The following CDH10 variants were observed in gnomAD, a reference collection of about 807,000 sequenced individuals.
The protein encoded by CDH10 is cadherin-10.
CDH10 carries 30 observed loss-of-function variants against 73.1 expected under a neutral mutation model. That is an observed-to-expected ratio of 0.41 (90% confidence interval 0.31 to 0.56). CDH10 has a LOEUF of 0.56. Ranked by LOEUF, CDH10 falls within the 20% of genes least tolerant of loss-of-function variation. CDH10 has a pLI of 0.27. For missense variants in CDH10, 815 were observed against 973.7 expected, an observed-to-expected ratio of 0.84 and a Z score of 2.17; for synonymous variants, 345 against 348.2, an observed-to-expected ratio of 0.99 and a Z score of 0.10.
chr5:24,556,714 TA>T (rs144084888), intron 2 of CDH10, among the ~76,000 whole-genome samples: 1,769 of 151,736 alleles, frequency 0.012, 34 homozygotes, highest in African/African-American at 0.038. Context: ...ACTAGAGAAT[TA>T]TAAGAAACAG....
chr5:24,535,536 A>T (rs759946932), intron 4 of CDH10, among the ~76,000 whole-genome samples, 167 bp downstream of exon 4: 15 of 152,050 alleles, frequency 9.9e-5, no homozygotes, highest in Admixed American at 3.3e-4. Context: ...GGTTTCCATT[A>T]GTTCACTCTA....
intron 1 of CDH10, among the ~76,000 whole-genome samples, chr5:24,629,010 A>T (rs1027730837): frequency 6.6e-6 from 1 of 152,162 alleles, no homozygotes; most frequent in South Asian, 2.1e-4. Context: ...GCATTATTTT[A>T]TTTCTCAAAG....
intron 5 of CDH10, among the ~76,000 whole-genome samples, chr5:24,533,524 A>G (rs959204850): frequency 6.6e-6 from 1 of 152,060 alleles, no homozygotes; most frequent in Non-Finnish European, 1.5e-5. Context: ...AATGTAAAAT[A>G]TAATACTACT....
chr5:24,593,312 T>C lies in CDH10; in HGVS notation c.179A>G (p.Gln60Arg). The change falls in exon 2 of 12, where the codon CAA (glutamine) becomes CGA (arginine). Residue 60 changes from glutamine (Q) to arginine (R), a missense_variant. By Grantham distance (43) the Gln-to-Arg change is conservative. Transcript: ENST00000264463. Reference sequence around the variant, plus strand: ...TGTATATTCTTCAAGTAAGAAAAATTGATTCCACATCCAACCACGTTTTTG... The same window carrying C: ...TGTATATTCTTCAAGTAAGAAAAATCGATTCCACATCCAACCACGTTTTTG... ...HRQKRGWMWNQFFLLEEYTGS... is the reference protein window; with the variant it reads ...HRQKRGWMWNRFFLLEEYTGS... The C allele has an allele frequency of 4.3e-6, 7 of 1,612,950 alleles. No homozygotes were observed. Among genetic ancestry groups the C allele is most frequent in the Non-Finnish European group, 5.9e-6 (7 of 1,179,082 alleles).
chr5:24,561,970 AG>A (rs1489368935), intron 2 of CDH10, among the ~76,000 whole-genome samples: 1 of 151,042 alleles, frequency 6.6e-6, no homozygotes, highest in Non-Finnish European at 1.5e-5. Context: ...TCAAGAATTT[AG>A]TCAAATTTGA....
chr5:24,546,986 T>C (rs1744367131), intron 2 of CDH10, among the ~76,000 whole-genome samples: 1 of 152,184 alleles, frequency 6.6e-6, no homozygotes, highest in Admixed American at 6.6e-5. Context: ...ACAATTACTC[T>C]ATGTTAAAAG....
chr5:24,550,011 G>A (rs556452688), intron 2 of CDH10, among the ~76,000 whole-genome samples: 1 of 152,126 alleles, frequency 6.6e-6, no homozygotes, highest in East Asian at 1.9e-4. Context: ...ATATTAAACT[G>A]GTATTTTCAG....
intron 2 of CDH10, among the ~76,000 whole-genome samples, chr5:24,566,046 T>TTTTTG (rs894648488): frequency 1.3e-5 from 2 of 152,062 alleles, no homozygotes; most frequent in Non-Finnish European, 2.9e-5. Context: ...ACATCATAGT[T>TTTTTG]TTTTGTTTTG....
At chr5:24,556,175 C>A (rs1744762377) in intron 2 of CDH10, among the ~76,000 whole-genome samples, 1 of 152,124 alleles carries the variant, frequency 6.6e-6, no homozygotes, top group Admixed American at 6.6e-5. Context: ...TATGTCTGCT[C>A]TCGTAGTTAG....
chr5:24,610,258 A>G (rs1746899357), intron 1 of CDH10, among the ~76,000 whole-genome samples: 1 of 152,214 alleles, frequency 6.6e-6, no homozygotes, highest in Non-Finnish European at 1.5e-5. Context: ...AATGACATAA[A>G]CGGGAAAATG....
Position 24,575,210 on chromosome 5 carries a change from A to G in CDH10, c.231+18050T>C, listed in dbSNP as rs1057207198. 2.6e-5 allele frequency among the ~76,000 whole-genome samples: 4 copies of G among 151,904 alleles called. No homozygotes were observed. The South Asian group carries it at 8.3e-4, about 32-fold the overall frequency. On this transcript the variant is annotated intron_variant, in intron 2 of 11. Coordinates refer to ENST00000264463, the MANE Select transcript of CDH10 (RefSeq NM_006727.5). Reference sequence around the variant, plus strand: ...AAACCCCTCTCTCCTAAAAATATAAAAATTACCCAGGCATGGTGGCATACA... The same window carrying G: ...AAACCCCTCTCTCCTAAAAATATAAGAATTACCCAGGCATGGTGGCATACA...
chr5:24,636,663 T>TA (rs369647182), intron 1 of CDH10, among the ~76,000 whole-genome samples: 172 of 151,944 alleles, frequency 1.1e-3, no homozygotes, highest in African/African-American at 3.9e-3. Context: ...CCCCTGAACC[T>TA]AAAATAAAAG....
intron 2 of CDH10, among the ~76,000 whole-genome samples, chr5:24,552,130 T>A (rs983584659): frequency 1.1e-4 from 17 of 152,082 alleles, no homozygotes; most frequent in African/African-American, 4.1e-4. Flanking sequence ...AATATACATA[T>A]ATCTCCATTT....
At position 24,504,227 on chromosome 5, in the gene CDH10, A is replaced by G. The variant is rs1481198976; in HGVS notation, c.1393+885T>C. Among the ~76,000 whole-genome samples the G allele has an allele frequency of 2.0e-5, 3 of 152,252 alleles. No individual in the cohort carries two copies. The East Asian group carries it at 5.8e-4, about 29-fold the overall frequency. On this transcript the variant is annotated intron_variant, in intron 8 of 11. Transcript: ENST00000264463. ...CCTGAAAGCAGGACATAAAACCCCC[A>G]TATAGAAGATGTCCTCTCTATACCA...
chr5:24,550,824 C>T (rs1744516307), intron 2 of CDH10, among the ~76,000 whole-genome samples: 1 of 152,042 alleles, frequency 6.6e-6, no homozygotes, highest in Non-Finnish European at 1.5e-5. Flanking sequence ...TAAGAAAATC[C>T]CTTCTGACTT....
intron 11 of CDH10, among the ~76,000 whole-genome samples, chr5:24,488,456 T>G (rs1741924835): frequency 6.6e-6 from 1 of 152,124 alleles, no homozygotes; most frequent in Non-Finnish European, 1.5e-5. Flanking sequence ...ATTGTACAGA[T>G]AATATTTATC....
intron 2 of CDH10, among the ~76,000 whole-genome samples, chr5:24,558,217 G>A (rs11956319): frequency 0.37 from 55,888 of 151,240 alleles, 12,268 homozygotes; most frequent in East Asian, 0.58. Flanking sequence ...TCAAATTTCT[G>A]TAATGGAGGC....
chr5:24,607,513 A>C (rs1746799552), intron 1 of CDH10, among the ~76,000 whole-genome samples: 1 of 152,196 alleles, frequency 6.6e-6, no homozygotes, highest in South Asian at 2.1e-4. Flanking sequence ...ATAAATTATA[A>C]ATAAGGAAAA....
chr5:24,637,465 T>A (rs1323596424), intron 1 of CDH10, among the ~76,000 whole-genome samples: 1 of 151,962 alleles, frequency 6.6e-6, no homozygotes, highest in Non-Finnish European at 1.5e-5. Context: ...TACTGATATT[T>A]CCATTGTAAA....
Sources: gnomAD v4.1 joint callset for allele counts (sites outside exome capture counted in the v4.1 genomes callset) on GRCh38, gnomAD v4.1.1 for gene constraint, MANE v1.5 for transcripts, NCBI Gene and HGNC (gene_info 2026-07-23, HGNC 2026-07-21) for gene names.